NR3C2: variants seen among roughly 807,000 people sequenced by gnomAD.
NR3C2 encodes nuclear receptor subfamily 3 group C member 2.
NR3C2 carries 15 observed loss-of-function variants against 86.4 expected under a neutral mutation model. The ratio of observed to expected loss-of-function variants is 0.17; its 90% CI spans 0.12 to 0.27. The LOEUF is 0.27. Among genes scored for constraint, NR3C2 ranks in the 10% least tolerant of loss-of-function variants. The probability of loss-of-function intolerance (pLI) is 1.00; values close to 1 mark genes in which losing one functional copy is unlikely to be tolerated. For synonymous variants in NR3C2, 458 were observed against 450.5 expected (o/e 1.02, Z -0.21); for missense variants, 960 against 1,195.6 (o/e 0.80, Z 2.91).
chr4:148,437,640 G>A (rs558573183), intron 1 of NR3C2, among the ~76,000 whole-genome samples: 48 of 152,210 alleles, frequency 3.2e-4, no homozygotes, highest in African/African-American at 1.1e-3. Context: ...ACCTGTGCAT[G>A]GTACCAGTGG....
At chr4:148,303,801 C>T (rs114873966) in intron 2 of NR3C2, among the ~76,000 whole-genome samples, 3,549 of 152,314 alleles carry the variant, frequency 0.023, 53 homozygotes, top group African/African-American at 0.04. Flanking sequence ...CGCTAGTATC[C>T]ATGGCATAAA....
At chr4:148,141,834 CG>C (rs1733626265) in intron 6 of NR3C2, among the ~76,000 whole-genome samples, 1 of 152,096 alleles carries the variant, frequency 6.6e-6, no homozygotes, top group Non-Finnish European at 1.5e-5. Context: ...AACTAATGCC[CG>C]ATGATCTGAG....
At chr4:148,204,051 C>T (rs1365084114) in intron 3 of NR3C2, among the ~76,000 whole-genome samples, 2 of 152,058 alleles carry the variant, frequency 1.3e-5, no homozygotes, top group African/African-American at 4.8e-5. Context: ...CACAAAATTC[C>T]CACATAAACA....
intron 3 of NR3C2, among the ~76,000 whole-genome samples, chr4:148,243,186 A>G (rs1739148051): frequency 1.3e-5 from 2 of 152,016 alleles, no homozygotes; most frequent in African/African-American, 4.8e-5. Flanking sequence ...GTGTGCTACC[A>G]TGCCTGGCTA....
intron 1 of NR3C2, 150 bp from the exon 2 acceptor site, chr4:148,437,012 G>T: frequency 1.5e-6 from 1 of 682,684 alleles, no homozygotes; most frequent in Non-Finnish European, 2.5e-6. Context: ...TACCTTTTTG[G>T]ATGCTGACAT....
At chr4:148,210,616 A>C (rs568670869) in intron 3 of NR3C2, among the ~76,000 whole-genome samples, 4 of 152,142 alleles carry the variant, frequency 2.6e-5, no homozygotes, top group African/African-American at 9.7e-5. Flanking sequence ...GGGGAAAAAA[A>C]CCTGTGGTTT....
At chr4:148,282,579 G>C (rs1028862866) in intron 2 of NR3C2, among the ~76,000 whole-genome samples, 2 of 152,190 alleles carry the variant, frequency 1.3e-5, no homozygotes, top group East Asian at 3.8e-4. Context: ...AGAATGCAGA[G>C]AGGATAGTGA....
Position 148,356,150 on chromosome 4 carries a change from T to C in NR3C2, c.1757+78954A>G, listed in dbSNP as rs577238518. ...TGCAAGGGAATGAAAAGAGACAAAT[T>C]TAAAAAACATTTTATATGTTATATT... is the stretch of plus-strand genomic sequence containing the variant. On this transcript the variant is annotated intron_variant, in intron 2 of 8. Transcript: ENST00000358102. 2.0e-5 allele frequency among the ~76,000 whole-genome samples: 3 copies of C among 152,272 alleles called. No individual in the cohort carries two copies. In the South Asian group the frequency reaches 6.2e-4, roughly 32 times the overall value.
At position 148,178,947 on chromosome 4, in the gene NR3C2, A is replaced by C. The variant is rs1430231095; in HGVS notation, c.2014+15799T>G. On this transcript the variant is annotated intron_variant, in intron 4 of 8. Coordinates refer to ENST00000358102, the MANE Select transcript of NR3C2 (RefSeq NM_000901.5). The stretch of plus-strand genomic sequence containing the variant: ...AAGAAGCAGGTAAAAAAAAAAAAAA[A>C]CAAAAAAAAACAACAAAACAAAACA... Among the ~76,000 whole-genome samples the C allele has an allele frequency of 4.6e-4, 68 of 148,428 alleles. No homozygotes were observed. The East Asian group carries it at 7.0e-3, about 15-fold the overall frequency.
chr4:148,397,952 C>G (rs572838656), intron 2 of NR3C2, among the ~76,000 whole-genome samples: 43 of 152,322 alleles, frequency 2.8e-4, no homozygotes, highest in Admixed American at 2.8e-3. Flanking sequence ...GAGCCACACT[C>G]CCTCTGAAGG....
intron 2 of NR3C2, among the ~76,000 whole-genome samples, chr4:148,261,759 A>C (rs866081598): frequency 1.1e-4 from 16 of 152,326 alleles, no homozygotes; most frequent in Middle Eastern, 3.4e-3. Flanking sequence ...TGAAAAGGCT[A>C]AAATGGTTAT....
At chr4:148,333,481 T>C (rs1297874506) in intron 2 of NR3C2, among the ~76,000 whole-genome samples, 1 of 152,058 alleles carries the variant, frequency 6.6e-6, no homozygotes, top group African/African-American at 2.4e-5. Context: ...GTGACTAAGT[T>C]CTAGCCAATA....
At chr4:148,370,846 T>C (rs1304987920) in intron 2 of NR3C2, among the ~76,000 whole-genome samples, 1 of 152,148 alleles carries the variant, frequency 6.6e-6, no homozygotes, top group African/African-American at 2.4e-5. Context: ...AGTATCTTCC[T>C]TCTCCTCCCC....
intron 2 of NR3C2, among the ~76,000 whole-genome samples, chr4:148,307,623 T>C (rs1202961445): frequency 1.3e-5 from 2 of 152,174 alleles, no homozygotes; most frequent in African/African-American, 4.8e-5. Flanking sequence ...TTCATATTTA[T>C]ATTTGTTTAA....
chr4:148,358,454 C>A (rs1470897461), intron 2 of NR3C2, among the ~76,000 whole-genome samples: 5 of 129,810 alleles, frequency 3.9e-5, no homozygotes, highest in Non-Finnish European at 7.8e-5. Flanking sequence ...GGGAATATCA[C>A]ACTCTGGGGG....
intron 4 of NR3C2, among the ~76,000 whole-genome samples, chr4:148,174,670 G>A (rs1298784228): frequency 6.6e-6 from 1 of 152,130 alleles, no homozygotes; most frequent in Admixed American, 6.5e-5. Context: ...GTCTGAGGTG[G>A]GGCAGATGAG....
At chr4:148,294,975 A>G (rs1741976258) in intron 2 of NR3C2, among the ~76,000 whole-genome samples, 2 of 152,174 alleles carry the variant, frequency 1.3e-5, no homozygotes, top group Admixed American at 1.3e-4. Context: ...AGACAGAGTG[A>G]GGCCCTGTCT....
chr4:148,420,691 G>C (rs1025944489), intron 2 of NR3C2, among the ~76,000 whole-genome samples: 1 of 152,208 alleles, frequency 6.6e-6, no homozygotes, highest in African/African-American at 2.4e-5. Context: ...CAATGTTGGA[G>C]ATGGGAGCCT....
chr4:148,125,419 T>G (rs1002343624), intron 6 of NR3C2, among the ~76,000 whole-genome samples: 2 of 152,208 alleles, frequency 1.3e-5, no homozygotes, highest in African/African-American at 2.4e-5. Context: ...TCCTGTCACC[T>G]TTCTCTGTCT....
Sources: gnomAD v4.1 joint callset for allele counts (sites outside exome capture counted in the v4.1 genomes callset) on GRCh38, gnomAD v4.1.1 for gene constraint, MANE v1.5 for transcripts, NCBI Gene and HGNC (gene_info 2026-07-23, HGNC 2026-07-21) for gene names.